GRIK2: variants seen among roughly 807,000 people sequenced by gnomAD.
GRIK2 encodes the protein glutamate receptor ionotropic, kainate 2.
A neutral mutation model predicts 100.3 loss-of-function variants in GRIK2; 32 were observed. That is an observed-to-expected ratio of 0.32 (90% CI 0.24 to 0.43). GRIK2 has a LOEUF of 0.43. Ranked by LOEUF, GRIK2 falls within the 20% of genes least tolerant of loss-of-function variation. GRIK2 has a pLI of 1.00. For missense variants in GRIK2, 843 were observed against 1,114.9 expected (o/e 0.76, Z 3.47); for synonymous variants, 417 against 389.4 (o/e 1.07, Z -0.83).
chr6:101,473,244 A>C (rs1458091780), intron 2 of GRIK2, among the ~76,000 whole-genome samples: 1 of 149,496 alleles, frequency 6.7e-6, no homozygotes, highest in East Asian at 2.0e-4. Flanking sequence ...TCAATTTAGA[A>C]TATGGTACAC....
At chr6:101,759,746 CA>C (rs1173543837) in intron 7 of GRIK2, among the ~76,000 whole-genome samples, 4 of 151,514 alleles carry the variant, frequency 2.6e-5, no homozygotes, top group African/African-American at 7.3e-5. Context: ...TGTAATTATT[CA>C]AAATCCATGA....
chr6:101,492,708 A>C (rs912946365), intron 2 of GRIK2, among the ~76,000 whole-genome samples: 1 of 151,986 alleles, frequency 6.6e-6, no homozygotes, highest in African/African-American at 2.4e-5. Context: ...AGACAAATAA[A>C]TTTTATATAA....
At chr6:101,453,214 G>A (rs1232829300) in intron 2 of GRIK2, among the ~76,000 whole-genome samples, 1 of 150,818 alleles carries the variant, frequency 6.6e-6, no homozygotes. Flanking sequence ...TTTTGTTTCT[G>A]TTCCGTTCCC....
chr6:101,498,712 G>A (rs1038431721), intron 2 of GRIK2, among the ~76,000 whole-genome samples: 1 of 151,896 alleles, frequency 6.6e-6, no homozygotes, highest in South Asian at 2.1e-4. Flanking sequence ...TTTTGATGGG[G>A]TTGTTTGTTT....
intron 2 of GRIK2, among the ~76,000 whole-genome samples, chr6:101,410,612 C>G (rs755457154): frequency 1.3e-5 from 2 of 152,026 alleles, no homozygotes; most frequent in Non-Finnish European, 2.9e-5. Context: ...AGCAGTGGTA[C>G]CATGCCAGAG....
At chr6:101,465,536 T>G (rs1582511516) in intron 2 of GRIK2, among the ~76,000 whole-genome samples, 1 of 152,318 alleles carries the variant, frequency 6.6e-6, no homozygotes. Context: ...TTAGGTTAAT[T>G]CCATATCTTT....
intron 4 of GRIK2, among the ~76,000 whole-genome samples, chr6:101,662,001 G>A (rs1251730144): frequency 6.6e-6 from 1 of 152,130 alleles, no homozygotes; most frequent in Non-Finnish European, 1.5e-5. Context: ...AGTGGGCAGG[G>A]TAAGTATTTA....
At chr6:101,768,711 A>C (rs1778192472) in intron 7 of GRIK2, among the ~76,000 whole-genome samples, 1 of 152,198 alleles carries the variant, frequency 6.6e-6, no homozygotes, top group Non-Finnish European at 1.5e-5. Context: ...CTCATGGTTT[A>C]GATAGAAAAA....
intron 2 of GRIK2, among the ~76,000 whole-genome samples, chr6:101,415,574 G>T (rs1450532783): frequency 6.6e-6 from 1 of 151,776 alleles, no homozygotes; most frequent in Non-Finnish European, 1.5e-5. Flanking sequence ...GTTTCACCTT[G>T]TTAGCCAGGA....
chr6:101,937,622 A>G (rs971966686), intron 14 of GRIK2, among the ~76,000 whole-genome samples: 2 of 152,118 alleles, frequency 1.3e-5, no homozygotes, highest in African/African-American at 2.4e-5. Context: ...GACAAATTCC[A>G]TTTCTTCTAT....
intron 4 of GRIK2, among the ~76,000 whole-genome samples, chr6:101,653,744 T>C (rs1781928156): frequency 6.6e-6 from 1 of 151,932 alleles, no homozygotes. Context: ...CTCAGCCTCC[T>C]GAGTAGCTGG....
chr6:101,934,342 A>G (rs1408409791), intron 14 of GRIK2, among the ~76,000 whole-genome samples: 1 of 151,866 alleles, frequency 6.6e-6, no homozygotes, highest in Non-Finnish European at 1.5e-5. Context: ...TTTGCCTTAC[A>G]GCATTGGGGC....
chr6:101,975,832 T>TATCTATCTATCTATCG (rs1228680668), intron 14 of GRIK2, among the ~76,000 whole-genome samples: 1 of 151,780 alleles, frequency 6.6e-6, no homozygotes, highest in African/African-American at 2.4e-5. Flanking sequence ...TCTATCTATC[T>TATCTATCTATCTATCG]ATCTATCTAT....
chr6:101,946,745 T>G (rs569401905), intron 14 of GRIK2, among the ~76,000 whole-genome samples: 1 of 152,218 alleles, frequency 6.6e-6, no homozygotes, highest in East Asian at 1.9e-4. Context: ...CTCAAAGGAC[T>G]GGAGGGTGTT....
chr6:101,429,027 A>G (rs1045803145), intron 2 of GRIK2, among the ~76,000 whole-genome samples: 1 of 152,226 alleles, frequency 6.6e-6, no homozygotes, highest in Admixed American at 6.5e-5. Flanking sequence ...AAATGCTGAC[A>G]TTTGCACCTC....
At chr6:101,784,953 T>C (rs1036229236) in intron 7 of GRIK2, among the ~76,000 whole-genome samples, 7 of 152,204 alleles carry the variant, frequency 4.6e-5, no homozygotes, top group African/African-American at 1.4e-4. Context: ...TCCATGTTTT[T>C]GGTTTGCATT....
intron 7 of GRIK2, among the ~76,000 whole-genome samples, chr6:101,758,506 A>G (rs1457544024): frequency 6.6e-6 from 1 of 152,186 alleles, no homozygotes; most frequent in Non-Finnish European, 1.5e-5. Context: ...CCCTGTTGGA[A>G]GATACTCCAA....
chr6:102,023,871 G>GA (rs34827756), intron 14 of GRIK2, among the ~76,000 whole-genome samples: 3 of 151,324 alleles, frequency 2.0e-5, no homozygotes, highest in African/African-American at 2.4e-5. Flanking sequence ...TTATATCATG[G>GA]AAAAATCATC....
intron 2 of GRIK2, among the ~76,000 whole-genome samples, chr6:101,429,293 A>G (rs1373283634): frequency 1.3e-5 from 2 of 152,186 alleles, no homozygotes; most frequent in African/African-American, 4.8e-5. Flanking sequence ...GAATGAGAGA[A>G]TTTACATAGG....
Sources: allele counts gnomAD v4.1 joint callset (sites outside exome capture counted in the v4.1 genomes callset), GRCh38; gene constraint gnomAD v4.1.1; transcripts MANE v1.5; gene names NCBI Gene and HGNC (gene_info 2026-07-23, HGNC 2026-07-21).